The following KIF14 variants were observed in gnomAD, a reference collection of about 807,000 sequenced individuals.
KIF14 encodes the protein kinesin family member 14.
Under a neutral mutation model 176.2 loss-of-function variants are expected in KIF14, and 98 were observed. The ratio of observed to expected loss-of-function variants is 0.56; its 90% confidence interval spans 0.47 to 0.66. KIF14 has a LOEUF of 0.66. KIF14 is among the 30% of genes least tolerant of loss of function. The pLI, the probability that KIF14 is intolerant of heterozygous loss-of-function variation, is 0.00. For missense variants in KIF14, 1,751 were observed against 1,920.4 expected, an observed-to-expected ratio of 0.91 and a Z score of 1.65; for synonymous variants, 566 against 632.2, an observed-to-expected ratio of 0.90 and a Z score of 1.57.
chr1:200,567,522 A>G (rs1322746397), intron 23 of KIF14, among the ~76,000 whole-genome samples: 1 of 133,670 alleles, frequency 7.5e-6, no homozygotes. Context: ...AGACAGAGCG[A>G]GACTCCGTCT....
Position 200,593,717 on chromosome 1 carries a change from T to C in KIF14, c.2602A>G (p.Lys868Glu). Residue 868 changes from lysine to glutamate, a missense_variant, in exon 15 of 30, where the codon AAG (lysine) becomes GAG (glutamate). By Grantham distance (56) the Lys-to-Glu change is moderately conservative (BLOSUM62 1). Transcript: ENST00000367350. ...TVSIIPVGEAKTYVNGKHILE... is the reference protein window; with the variant it reads ...TVSIIPVGEAETYVNGKHILE... ...ATATGTTTTCCATTTACATATGTCTTTGCTTCCCCAACTGGGATAATACTC... is the reference window on the plus strand; with the variant it reads ...ATATGTTTTCCATTTACATATGTCTCTGCTTCCCCAACTGGGATAATACTC... The C allele has an allele frequency of 6.2e-7, 1 of 1,613,076 alleles. No homozygotes were observed. Among genetic ancestry groups the C allele is most frequent in the South Asian group, 1.1e-5 (1 of 91,066 alleles).
At chr1:200,557,838 A>G (rs1656917282) in intron 27 of KIF14, among the ~76,000 whole-genome samples, 1 of 152,204 alleles carries the variant, frequency 6.6e-6, no homozygotes, top group Non-Finnish European at 1.5e-5. Context: ...TAGATCAATC[A>G]GTATATACAT....
intron 18 of KIF14, among the ~76,000 whole-genome samples, chr1:200,586,452 C>T (rs567774877): frequency 2.5e-4 from 38 of 151,998 alleles, no homozygotes; most frequent in African/African-American, 7.7e-4. Flanking sequence ...TTTTACAGTA[C>T]GTTTTATTAA....
chr1:200,557,844 T>C (rs1656917816), intron 27 of KIF14, among the ~76,000 whole-genome samples: 1 of 152,110 alleles, frequency 6.6e-6, no homozygotes, highest in Non-Finnish European at 1.5e-5. Flanking sequence ...AATCAGTATA[T>C]ACATAAATGA....
Position 200,589,325 on chromosome 1 carries a change from C to G in KIF14, c.3006G>C (p.Gln1002His). Residue 1002 changes from glutamine (Q) to histidine (H), a missense_variant, in exon 18 of 30, where the codon CAG becomes CAC. Coordinates refer to ENST00000367350, the MANE Select transcript of KIF14 (RefSeq NM_014875.3). ...ATTCCTCAATTTTGTGATTAGCCTT[C>G]TGGTTATTTATTTCCTGCATTTTTT... Reference protein sequence around the residue: ...QRKKMQEINNQKANHKIEELE... With the variant: ...QRKKMQEINNHKANHKIEELE... The G allele has an allele frequency of 6.2e-7, 1 of 1,610,832 alleles. No individual in the cohort carries two copies. The highest frequency in any genetic ancestry group is 8.5e-7 in the Non-Finnish European group (1 of 1,177,562).
intron 23 of KIF14, among the ~76,000 whole-genome samples, chr1:200,567,168 TCCTC>T (rs1558051221): frequency 6.8e-6 from 1 of 146,556 alleles, no homozygotes. Context: ...CGAAACTCTG[TCCTC>T]AAAAAAAAAA....
At position 200,565,074 on chromosome 1, in the gene KIF14, A is replaced by G; in HGVS notation, c.4066T>C (p.Leu1356=). The change falls in exon 25 of 30, where the codon TTG becomes CTG. Residue 1356 remains leucine, a synonymous_variant. Transcript: ENST00000367350. ...TAATAAGCAAATCAATTTACCTGCA[A>G]AAATAACTGTAAGTAGCCTCCCAGT... ...KKLGGYLQLF[L]QGCCLDISSM... 6.2e-7 allele frequency: 1 copy of G among 1,604,504 alleles called. No individual in the cohort carries two copies. Among genetic ancestry groups the G allele is most frequent in the Non-Finnish European group, 8.5e-7 (1 of 1,175,574 alleles).
intron 18 of KIF14, among the ~76,000 whole-genome samples, chr1:200,587,134 G>A (rs756056584): frequency 3.9e-5 from 6 of 151,952 alleles, no homozygotes; most frequent in Non-Finnish European, 4.4e-5. Context: ...CATAAGGAGC[G>A]TGCAACCTAA....
intron 12 of KIF14, 53 bp from the exon 13 acceptor site, chr1:200,600,166 T>C (rs1453427920): frequency 4.4e-6 from 6 of 1,358,532 alleles, no homozygotes; most frequent in African/African-American, 1.5e-5. Context: ...ATGTATAAGA[T>C]TGAGAGTCAA....
Position 200,560,811 on chromosome 1 carries a change from C to T in KIF14, c.4141G>A (p.Ala1381Thr), listed in dbSNP as rs1657099412. Residue 1381 changes from alanine (A) to threonine (T), a missense_variant, in exon 26 of 30, where the codon GCT (alanine) becomes ACT (threonine). Transcript: ENST00000367350. ...QKNAIQIVQQ[A>T]VKYVGQLAVL... Reference sequence around the variant, plus strand: ...GCTAACTGCCCCACATACTTTACAGCTTGTTGTACAATTTGGATTGCATTC... The same window carrying T: ...GCTAACTGCCCCACATACTTTACAGTTTGTTGTACAATTTGGATTGCATTC... The T allele has an allele frequency of 6.2e-7, 1 of 1,614,080 alleles. No homozygotes were observed. Among genetic ancestry groups the T allele is most frequent in the Non-Finnish European group, 8.5e-7 (1 of 1,179,938 alleles).
At chr1:200,608,525 G>A (rs1396880120) in intron 5 of KIF14, among the ~76,000 whole-genome samples, 1 of 151,984 alleles carries the variant, frequency 6.6e-6, no homozygotes, top group East Asian at 1.9e-4. Flanking sequence ...GCCACACCCG[G>A]CTAATTTTTT....
chr1:200,581,095 C>T (rs924113335), intron 20 of KIF14, 106 bp downstream of exon 20: 10 of 520,810 alleles, frequency 1.9e-5, no homozygotes, highest in African/African-American at 3.0e-5. Context: ...GCCTGGGCAA[C>T]AGAGCAAGAC....
Position 200,559,371 on chromosome 1 carries a change from C to A in KIF14, c.4312G>T (p.Glu1438Ter). The change falls in exon 27 of 30, where the codon GAA becomes TAA. Residue 1438 changes from glutamate (E) to a stop codon, truncating the protein, a stop_gained. Coordinates refer to ENST00000367350, the MANE Select transcript of KIF14 (RefSeq NM_014875.3). LOFTEE classifies it high-confidence loss of function. ...LLDSGLEKAKELQHELFRQCT... is the reference protein window; with the variant it reads ...LLDSGLEKAK ...TGCCTAAAGAGTTCATGCTGAAGTT[C>A]TTTTGCTTTTTCCAGTCCAGAATCT... The A allele has an allele frequency of 6.3e-7, 1 of 1,591,710 alleles. No homozygotes were observed. Among genetic ancestry groups the A allele is most frequent in the Non-Finnish European group, 8.6e-7 (1 of 1,168,588 alleles).
chr1:200,618,146 T>C lies in KIF14; in HGVS notation c.578A>G (p.Asp193Gly), dbSNP rs377108070. The C allele has an allele frequency of 5.6e-6, 9 of 1,613,922 alleles. No individual in the cohort carries two copies. The African/African-American group carries it at 1.1e-4, about 19-fold the overall frequency. The change falls in exon 2 of 30, where the codon GAT becomes GGT. Residue 193 changes from aspartate to glycine, a missense_variant. By Grantham distance (94) the Asp-to-Gly change is moderately conservative. Transcript: ENST00000367350. ...EDPQVIEMMA[D>G]KKYKETFSAP... Reference sequence around the variant, plus strand: ...AGAAAATGTTTCTTTGTATTTCTTATCAGCCATCATTTCAATGACCTGTGG... The same window carrying C: ...AGAAAATGTTTCTTTGTATTTCTTACCAGCCATCATTTCAATGACCTGTGG...
intron 21 of KIF14, among the ~76,000 whole-genome samples, chr1:200,579,534 G>A (rs1211119105): frequency 1.3e-5 from 2 of 151,902 alleles, no homozygotes; most frequent in East Asian, 1.9e-4. Context: ...GCTTGAACCC[G>A]GGAGGCGGAG....
intron 25 of KIF14, among the ~76,000 whole-genome samples, chr1:200,563,450 G>A (rs535209730): frequency 9.2e-5 from 14 of 152,002 alleles, no homozygotes; most frequent in East Asian, 1.9e-4. Flanking sequence ...CTGTAGCTTC[G>A]AACTCCTGGG....
chr1:200,555,588 C>T (rs1656791696), intron 27 of KIF14, 134 bp from the exon 28 acceptor site: 1 of 439,446 alleles, frequency 2.3e-6, no homozygotes, highest in South Asian at 6.5e-5. Flanking sequence ...TCTGGGATTG[C>T]AATTAAATAG....
At chr1:200,592,360 T>C (rs546998392) in intron 15 of KIF14, 120 bp from the exon 16 acceptor site, 9 of 726,256 alleles carry the variant, frequency 1.2e-5, no homozygotes, top group South Asian at 2.2e-5. Flanking sequence ...ATAAACATCA[T>C]AGCAACTAAC....
At chr1:200,619,674 C>T (rs999882940) in intron 1 of KIF14, among the ~76,000 whole-genome samples, 50 of 152,146 alleles carry the variant, frequency 3.3e-4, no homozygotes, top group Non-Finnish European at 6.2e-4. Flanking sequence ...TACAGGAATG[C>T]CTATAGAGAA....
Sources: allele counts gnomAD v4.1 joint callset (sites outside exome capture counted in the v4.1 genomes callset), GRCh38; gene constraint gnomAD v4.1.1; transcripts MANE v1.5; gene names NCBI Gene and HGNC (gene_info 2026-07-23, HGNC 2026-07-21).